The following FRMPD4 variants were observed in gnomAD, a reference collection of about 807,000 sequenced individuals.
FRMPD4 encodes FERM and PDZ domain-containing protein 4.
Under a neutral mutation model 94.1 loss-of-function variants are expected in FRMPD4, and 22 were observed. That is an observed-to-expected ratio of 0.23 (90% CI 0.17 to 0.33). FRMPD4 has a LOEUF of 0.33. Among genes scored for constraint, FRMPD4 ranks in the 10% least tolerant of loss-of-function variants. The pLI, the probability that FRMPD4 is intolerant of heterozygous loss-of-function variation, is 1.00. For missense variants in FRMPD4, 1,111 were observed against 1,339.9 expected (o/e 0.83, Z 2.67); for synonymous variants, 631 against 548.6 (o/e 1.15, Z -2.10).
At chrX:12,366,537 A>G (rs1488169465) in intron 1 of FRMPD4, among the ~76,000 whole-genome samples, 2 of 112,321 alleles carry the variant, frequency 1.8e-5, no homozygotes, top group African/African-American at 6.5e-5. Flanking sequence ...TGAAAATCAC[A>G]TAAATAAACC....
intron 1 of FRMPD4, among the ~76,000 whole-genome samples, chrX:12,352,045 T>C (rs751203323): frequency 1.3e-4 from 14 of 111,938 alleles, no homozygotes; most frequent in African/African-American, 4.5e-4. Flanking sequence ...CAAAAGGTAT[T>C]TTTCATAGGC....
At chrX:12,407,194 T>C (rs887711497) in intron 1 of FRMPD4, among the ~76,000 whole-genome samples, 2 of 111,922 alleles carry the variant, frequency 1.8e-5, no homozygotes, top group African/African-American at 6.5e-5. Context: ...CAAAGTCCCT[T>C]TTGCCTTGCA....
intron 9 of FRMPD4, among the ~76,000 whole-genome samples, chrX:12,700,528 C>T (rs1219468056): frequency 3.6e-5 from 4 of 112,038 alleles, no homozygotes; most frequent in Non-Finnish European, 7.5e-5. Context: ...ATGACACACT[C>T]TCAGCCACTC....
intron 1 of FRMPD4, among the ~76,000 whole-genome samples, chrX:12,274,706 G>T (rs1374813659): frequency 8.9e-6 from 1 of 112,416 alleles, no homozygotes; most frequent in East Asian, 2.8e-4. Context: ...GAGCATGTTC[G>T]GGAGATAAAA....
intron 1 of FRMPD4, among the ~76,000 whole-genome samples, chrX:12,410,898 T>C (rs1870046284): frequency 9.0e-6 from 1 of 111,715 alleles, no homozygotes; most frequent in East Asian, 2.8e-4. Flanking sequence ...GACTTAGAGA[T>C]ATGTAAAAAT....
chrX:12,597,501 C>T (rs976350739), intron 2 of FRMPD4, among the ~76,000 whole-genome samples: 1 of 112,044 alleles, frequency 8.9e-6, no homozygotes, highest in African/African-American at 3.2e-5. Context: ...TGATTTATTG[C>T]ATCTCATTTT....
intron 2 of FRMPD4, among the ~76,000 whole-genome samples, chrX:12,585,403 T>C (rs1602168589): frequency 9.0e-6 from 1 of 110,526 alleles, no homozygotes; most frequent in Non-Finnish European, 1.9e-5. Context: ...GTATTTGTAG[T>C]AGAGATGGGG....
chrX:12,497,788 G>A (rs1381631062), intron 1 of FRMPD4, among the ~76,000 whole-genome samples: 1 of 111,359 alleles, frequency 9.0e-6, no homozygotes, highest in Non-Finnish European at 1.9e-5. Flanking sequence ...CTTGAGAGGT[G>A]TTGGAAGGGC....
At chrX:12,344,204 A>C (rs2055663964) in intron 1 of FRMPD4, among the ~76,000 whole-genome samples, 1 of 111,772 alleles carries the variant, frequency 8.9e-6, no homozygotes, top group South Asian at 3.8e-4. Flanking sequence ...CAAAGCACAC[A>C]AACACAACAC....
chrX:12,300,539 C>T (rs1045749931), intron 1 of FRMPD4, among the ~76,000 whole-genome samples: 2 of 112,234 alleles, frequency 1.8e-5, no homozygotes, highest in Non-Finnish European at 3.8e-5. Flanking sequence ...GAGTAAAGGA[C>T]ATGTTAGATT....
intron 3 of FRMPD4, among the ~76,000 whole-genome samples, chrX:12,125,026 C>T (rs2055487507): frequency 8.9e-6 from 1 of 112,076 alleles, no homozygotes; most frequent in African/African-American, 3.2e-5. Context: ...GATACAGTGA[C>T]CTTTGAGAGC....
chrX:11,965,979 T>C (rs5933942), intron 3 of FRMPD4, among the ~76,000 whole-genome samples: 2,567 of 111,543 alleles, frequency 0.023, 17 homozygotes, highest in African/African-American at 0.044. Flanking sequence ...TAATATTTAG[T>C]GACTCAATCA....
intron 1 of FRMPD4, among the ~76,000 whole-genome samples, chrX:12,315,640 AT>A (rs2147914908): frequency 8.9e-6 from 1 of 112,332 alleles, no homozygotes; most frequent in African/African-American, 3.2e-5. Context: ...CAATGACCTC[AT>A]TACCAGAGGC....
chrX:12,089,285 A>C (rs2055135367), intron 3 of FRMPD4, among the ~76,000 whole-genome samples: 1 of 112,112 alleles, frequency 8.9e-6, no homozygotes, highest in Non-Finnish European at 1.9e-5. Flanking sequence ...CTTTTAATGG[A>C]CATATATATG....
chrX:12,542,847 G>A (rs1261570976), intron 2 of FRMPD4, among the ~76,000 whole-genome samples: 1 of 111,852 alleles, frequency 8.9e-6, no homozygotes, highest in African/African-American at 3.3e-5. Context: ...TATACTACAA[G>A]GCTACAGTAA....
intron 14 of FRMPD4, among the ~76,000 whole-genome samples, chrX:12,712,383 T>C (rs1052776437): frequency 2.7e-5 from 3 of 110,711 alleles, no homozygotes; most frequent in Admixed American, 1.9e-4. Context: ...ACATCGTCTC[T>C]ACAAAAAATA....
intron 2 of FRMPD4, among the ~76,000 whole-genome samples, chrX:12,589,525 T>C (rs2058962866): frequency 8.9e-6 from 1 of 111,789 alleles, no homozygotes; most frequent in Non-Finnish European, 1.9e-5. Flanking sequence ...AGATTAAAAA[T>C]ATTAGCAATT....
At chrX:12,665,801 A>G (rs147378890) in intron 4 of FRMPD4, among the ~76,000 whole-genome samples, 1,616 of 112,210 alleles carry the variant, frequency 0.014, 34 homozygotes, top group African/African-American at 0.047. Context: ...GGAAAAACTG[A>G]TACCAGCTAC....
intron 3 of FRMPD4, among the ~76,000 whole-genome samples, chrX:11,963,812 G>C (rs2054295884): frequency 8.9e-6 from 1 of 111,738 alleles, no homozygotes; most frequent in African/African-American, 3.3e-5. Context: ...ACAGGAGTAA[G>C]TTGACAGATT....
Sources: allele counts gnomAD v4.1 joint callset (sites outside exome capture counted in the v4.1 genomes callset), GRCh38; gene constraint gnomAD v4.1.1; transcripts MANE v1.5; gene names NCBI Gene and HGNC (gene_info 2026-07-23, HGNC 2026-07-21).